The following PPP2R2C variants were observed in gnomAD, a reference collection of about 807,000 sequenced individuals.
PPP2R2C encodes protein phosphatase 2 regulatory subunit Bgamma.
Under a neutral mutation model 45.3 loss-of-function variants are expected in PPP2R2C, and 10 were observed. The ratio of observed to expected loss-of-function variants is 0.22; its 90% confidence interval spans 0.14 to 0.37. PPP2R2C has a LOEUF of 0.37. PPP2R2C is among the 10% of genes least tolerant of loss of function. PPP2R2C has a pLI of 1.00. For missense variants in PPP2R2C, 308 were observed against 619.7 expected (o/e 0.50, Z 5.34); for synonymous variants, 257 against 245.4 (o/e 1.05, Z -0.44).
rs532891580 is a variant in PPP2R2C at position 6,353,120 on chromosome 4, G to A, written c.626-5110C>T. On this transcript the variant is annotated intron_variant, in intron 5 of 8. Coordinates refer to ENST00000382599, the MANE Select transcript of PPP2R2C (RefSeq NM_020416.4). ...GAACTTGTGGCCCCCAGGACGGTGA[G>A]AATATATCTGTATTTTGAAGCCATG... Among the ~76,000 whole-genome samples the A allele has an allele frequency of 1.9e-3, 283 of 152,148 alleles. 4 individuals carry two copies. The highest frequency in any genetic ancestry group is 6.6e-3 in the African/African-American group (274 of 41,478).
intron 2 of PPP2R2C, among the ~76,000 whole-genome samples, chr4:6,517,818 A>T (rs1723871164): frequency 6.6e-6 from 1 of 152,312 alleles, no homozygotes; most frequent in East Asian, 1.9e-4. Context: ...TTCCAATACC[A>T]GTTCCCCTAC....
chr4:6,391,300 G>T (rs1716619392), intron 1 of PPP2R2C, among the ~76,000 whole-genome samples: 1 of 152,026 alleles, frequency 6.6e-6, no homozygotes, highest in South Asian at 2.1e-4. Flanking sequence ...CCCCTCTCTG[G>T]ACCTCTCCCT....
At chr4:6,453,290 C>T (rs1720838329) in intron 1 of PPP2R2C, among the ~76,000 whole-genome samples, 1 of 152,128 alleles carries the variant, frequency 6.6e-6, no homozygotes, top group Non-Finnish European at 1.5e-5. Context: ...GGCCAGAGTC[C>T]CTCTCCACCC....
At chr4:6,562,452 G>A (rs550941633) in intron 1 of PPP2R2C, among the ~76,000 whole-genome samples, 146 of 130,742 alleles carry the variant, frequency 1.1e-3, no homozygotes, top group African/African-American at 3.8e-3. Flanking sequence ...ATAATGTGGG[G>A]AGGATTCAAC....
intron 1 of PPP2R2C, among the ~76,000 whole-genome samples, chr4:6,414,968 G>GAA (rs1718473567): frequency 1.3e-5 from 2 of 152,198 alleles, no homozygotes; most frequent in Non-Finnish European, 2.9e-5. Flanking sequence ...AGTGACCATA[G>GAA]GAACCCAGGT....
At chr4:6,465,115 T>C (rs947914141) in intron 1 of PPP2R2C, among the ~76,000 whole-genome samples, 2 of 152,022 alleles carry the variant, frequency 1.3e-5, no homozygotes, top group Non-Finnish European at 2.9e-5. Context: ...GACTTGGGAT[T>C]ACACAGAAAA....
upstream of PPP2R2C, chr4:6,563,694 G>A (rs1475251939): frequency 6.9e-6 from 1 of 143,978 alleles, no homozygotes; most frequent in Non-Finnish European, 1.5e-5. This position sits in a 1 kb window ranked among gnomAD's most constrained non-coding sequence, Gnocchi z 5.8. Flanking sequence ...GCGCGGGCCC[G>A]GGGCGGGGGG....
At chr4:6,515,533 C>T (rs1723802714) in intron 2 of PPP2R2C, among the ~76,000 whole-genome samples, 1 of 152,228 alleles carries the variant, frequency 6.6e-6, no homozygotes, top group Non-Finnish European at 1.5e-5. Flanking sequence ...AAGAGAACCA[C>T]AGAGTACTCA....
intron 1 of PPP2R2C, among the ~76,000 whole-genome samples, chr4:6,470,272 T>C (rs1035434320): frequency 6.6e-6 from 1 of 152,174 alleles, no homozygotes; most frequent in Non-Finnish European, 1.5e-5. Context: ...GTGCCCGGCA[T>C]GCAGCAGGTG....
intron 5 of PPP2R2C, among the ~76,000 whole-genome samples, chr4:6,361,006 C>A (rs1351787642): frequency 2.0e-5 from 3 of 152,186 alleles, no homozygotes; most frequent in African/African-American, 2.4e-5. Flanking sequence ...GTCTACCCTG[C>A]CAGCCTTATT....
At position 6,535,341 on chromosome 4, in the gene PPP2R2C, A is replaced by G. The variant is rs73086920; in HGVS notation, c.-22T>C. The G allele has an allele frequency of 3.1e-3, 4,741 of 1,534,308 alleles. 125 individuals are homozygous for G. In the African/African-American group the frequency reaches 0.056, roughly 18 times the overall value. On this transcript the variant is annotated 5_prime_UTR_variant, in exon 2 of 10. Transcript: ENST00000506140. ...GCATCCTGAGAGAGGTGACTAACAC[A>G]GGTCATTTCAAAAAAGGTCTTCTTT...
intron 2 of PPP2R2C, among the ~76,000 whole-genome samples, chr4:6,531,334 G>A (rs4689472): frequency 0.2 from 30,945 of 152,154 alleles, 3,601 homozygotes; most frequent in Non-Finnish European, 0.25. Flanking sequence ...AGGAAAGGAC[G>A]TCAGAGCCAA....
rs1443920803 is a variant in PPP2R2C, at chr4:6,397,307, C to T, written c.71-16213G>A. Among the ~76,000 whole-genome samples the T allele has an allele frequency of 2.6e-5, 4 of 152,246 alleles. No individual in the cohort carries two copies. In the South Asian group the frequency reaches 8.3e-4, roughly 31 times the overall value. ...GCCCCCAGGCACCCCTGCTGCTTCT[C>T]ACCACCAACCAAAAATCACCCCAGG... On this transcript the variant is annotated intron_variant, in intron 1 of 8. Coordinates refer to ENST00000382599, the MANE Select transcript of PPP2R2C (RefSeq NM_020416.4).
At chr4:6,448,053 C>T (rs1577190453) in intron 1 of PPP2R2C, among the ~76,000 whole-genome samples, 1 of 152,210 alleles carries the variant, frequency 6.6e-6, no homozygotes, top group African/African-American at 2.4e-5. Context: ...CGCACTACGA[C>T]CGGGGGATGC....
At chr4:6,337,109 T>TAC in intron 6 of PPP2R2C, among the ~76,000 whole-genome samples, 1 of 21,284 alleles carries the variant, frequency 4.7e-5, no homozygotes, top group East Asian at 1.3e-3. Flanking sequence ...TGTATGTGTG[T>TAC]GTGTATATAT....
intron 1 of PPP2R2C, among the ~76,000 whole-genome samples, chr4:6,562,643 A>G (rs1388740595): frequency 6.6e-6 from 1 of 152,176 alleles, no homozygotes; most frequent in African/African-American, 2.4e-5. Context: ...GGCCCTCACC[A>G]GTACCCCCCA....
intron 2 of PPP2R2C, among the ~76,000 whole-genome samples, chr4:6,499,005 CAA>C (rs772401849): frequency 3.5e-4 from 54 of 152,246 alleles, no homozygotes; most frequent in Admixed American, 6.5e-4. Context: ...GAGACATACC[CAA>C]GTTAGACAGC....
At chr4:6,456,373 A>T (rs1382811696) in intron 1 of PPP2R2C, among the ~76,000 whole-genome samples, 3 of 150,108 alleles carry the variant, frequency 2.0e-5, no homozygotes, top group African/African-American at 7.3e-5. Flanking sequence ...AAAATAGAGA[A>T]ATAAAATTAA....
intron 2 of PPP2R2C, among the ~76,000 whole-genome samples, chr4:6,488,109 C>A (rs1188124720): frequency 6.6e-6 from 1 of 152,048 alleles, no homozygotes; most frequent in South Asian, 2.1e-4. Context: ...GATTGTATGT[C>A]CAATCTTTCC....
Sources: allele counts gnomAD v4.1 joint callset (sites outside exome capture counted in the v4.1 genomes callset), GRCh38; gene constraint gnomAD v4.1.1; non-coding constraint Gnocchi (gnomAD v3.1); transcripts MANE v1.5; gene names NCBI Gene and HGNC (gene_info 2026-07-23, HGNC 2026-07-21).